LSAMP: variants seen among roughly 807,000 people sequenced by gnomAD.
LSAMP encodes limbic system associated membrane protein, also known as limbic system-associated membrane protein.
Under a neutral mutation model 38.6 loss-of-function variants are expected in LSAMP, and 7 were observed. The ratio of observed to expected loss-of-function variants is 0.18; its 90% CI spans 0.10 to 0.34. The LOEUF (loss-of-function observed/expected upper bound fraction) is 0.34, where lower values mean the gene tolerates loss of function less well. Among genes scored for constraint, LSAMP ranks in the 10% least tolerant of loss-of-function variants. The probability of loss-of-function intolerance (pLI) is 1.00; values close to 1 mark genes in which losing one functional copy is unlikely to be tolerated. For synonymous variants in LSAMP, 154 were observed against 166.8 expected, an observed-to-expected ratio of 0.92 and a Z score of 0.59; for missense variants, 313 against 420.0, an observed-to-expected ratio of 0.75 and a Z score of 2.23.
intron 1 of LSAMP, among the ~76,000 whole-genome samples, chr3:116,284,719 A>C (rs2047171645): frequency 6.6e-6 from 1 of 152,182 alleles, no homozygotes; most frequent in Non-Finnish European, 1.5e-5. Flanking sequence ...CCAGGAAATC[A>C]CTTCTATCTC....
chr3:116,232,417 C>T (rs994753463), intron 1 of LSAMP, among the ~76,000 whole-genome samples: 3 of 152,124 alleles, frequency 2.0e-5, no homozygotes, highest in Admixed American at 6.5e-5. Context: ...TTAGTAAAAC[C>T]ATCTGTATTT....
intron 3 of LSAMP, among the ~76,000 whole-genome samples, chr3:115,864,250 C>G (rs1452795922): frequency 6.9e-6 from 1 of 144,318 alleles, no homozygotes; most frequent in East Asian, 2.0e-4. Context: ...ATTCTCCACT[C>G]CATGGCACGT....
chr3:116,045,297 T>A (rs1941266050), intron 2 of LSAMP, among the ~76,000 whole-genome samples: 1 of 152,218 alleles, frequency 6.6e-6, no homozygotes, highest in African/African-American at 2.4e-5. Context: ...ATTTTTATTA[T>A]GAGCATTGGT....
At chr3:115,881,719 A>G (rs1299331151) in intron 3 of LSAMP, among the ~76,000 whole-genome samples, 2 of 152,142 alleles carry the variant, frequency 1.3e-5, no homozygotes, top group African/African-American at 4.8e-5. Flanking sequence ...ATAAAGACAA[A>G]TTGGAAAATA....
At chr3:115,882,286 C>T (rs1052689280) in intron 3 of LSAMP, among the ~76,000 whole-genome samples, 1 of 152,062 alleles carries the variant, frequency 6.6e-6, no homozygotes, top group Non-Finnish European at 1.5e-5. Context: ...CCACCTTGTA[C>T]CAGGTGCTGG....
intron 2 of LSAMP, among the ~76,000 whole-genome samples, chr3:116,074,977 C>T (rs1010430234): frequency 6.6e-6 from 1 of 150,568 alleles, no homozygotes; most frequent in East Asian, 2.0e-4. Flanking sequence ...GCTGGAATTA[C>T]AGACATGTGC....
chr3:115,830,252 A>C (rs1327940116), intron 6 of LSAMP, among the ~76,000 whole-genome samples: 1 of 152,248 alleles, frequency 6.6e-6, no homozygotes, highest in East Asian at 1.9e-4. Flanking sequence ...TTGGGCATAC[A>C]TCTCACTGTG....
intron 3 of LSAMP, among the ~76,000 whole-genome samples, chr3:116,013,326 T>C (rs948181653): frequency 6.6e-6 from 1 of 152,246 alleles, no homozygotes; most frequent in African/African-American, 2.4e-5. Flanking sequence ...TGGAGGCCAG[T>C]AATCATGTGG....
In LSAMP at chr3:116,445,427, C is replaced by G; in HGVS notation, c.-396G>C. The stretch of plus-strand genomic sequence containing the variant: ...TAACCCACTTTCCCAGGCTGGCGGG[C>G]GGGCGGGCGAGGGAGCCGGCACCAA... On this transcript the variant is annotated 5_prime_UTR_variant, in exon 1 of 7. Transcript: ENST00000490035. The G allele has an allele frequency of 4.8e-4, 102 of 213,424 alleles. No individual in the cohort carries two copies. Among genetic ancestry groups the G allele is most frequent in the East Asian group, 1.1e-3 (9 of 8,350 alleles). 13.2% of individuals were successfully genotyped at this position (213,424 alleles called of 1,614,324 possible).
intron 3 of LSAMP, among the ~76,000 whole-genome samples, chr3:115,908,041 A>G (rs1937052229): frequency 6.6e-6 from 1 of 152,062 alleles, no homozygotes; most frequent in Admixed American, 6.6e-5. Flanking sequence ...ATTTGAGCCC[A>G]ATGTATGAAA....
chr3:116,084,480 A>C (rs1707945015), intron 2 of LSAMP, among the ~76,000 whole-genome samples: 1 of 151,678 alleles, frequency 6.6e-6, no homozygotes, highest in East Asian at 1.9e-4. Context: ...AACCAAAAAA[A>C]ACCAAAAAAC....
rs149200750 is a variant in LSAMP at position 116,106,335 on chromosome 3, T to C, written c.156-19779A>G. ...TAGTTGAGAATGGTGAATAGGAGTA[T>C]GACTAGACAGAAGATAGTAGGGATG... On this transcript the variant is annotated intron_variant, in intron 1 of 6. Coordinates refer to ENST00000490035, the MANE Select transcript of LSAMP (RefSeq NM_002338.5). Among the ~76,000 whole-genome samples, 1,171 of 152,170 alleles carry C rather than the reference T, an allele frequency of 7.7e-3. 18 individuals are homozygous for C. Among genetic ancestry groups the C allele is most frequent in the African/African-American group, 0.025 (1,035 of 41,510 alleles).
intron 3 of LSAMP, among the ~76,000 whole-genome samples, chr3:115,856,057 G>A (rs572756832): frequency 6.6e-6 from 1 of 152,254 alleles, no homozygotes; most frequent in East Asian, 1.9e-4. Context: ...TTCTGTTGTT[G>A]GAAAGCCAAA....
chr3:116,012,135 C>T (rs1940346895), intron 3 of LSAMP, among the ~76,000 whole-genome samples: 1 of 152,122 alleles, frequency 6.6e-6, no homozygotes, highest in South Asian at 2.1e-4. Context: ...TGGTTAACTC[C>T]CAAATAAATC....
At chr3:115,835,733 A>G (rs1934760683) in intron 6 of LSAMP, among the ~76,000 whole-genome samples, 1 of 152,222 alleles carries the variant, frequency 6.6e-6, no homozygotes, top group Non-Finnish European at 1.5e-5. Context: ...CTGGACACTG[A>G]GAAAACTCAG....
chr3:116,181,257 A>G (rs529741246), intron 1 of LSAMP, among the ~76,000 whole-genome samples: 1 of 152,158 alleles, frequency 6.6e-6, no homozygotes, highest in Admixed American at 6.6e-5. Context: ...CAACACTGCC[A>G]AACAATTCAA....
chr3:116,385,791 C>G (rs2048618593), intron 1 of LSAMP, among the ~76,000 whole-genome samples: 1 of 152,058 alleles, frequency 6.6e-6, no homozygotes, highest in Non-Finnish European at 1.5e-5. Context: ...GCTTTGAGTA[C>G]TGTTTGGGGT....
chr3:116,323,447 C>G (rs2107732651), intron 1 of LSAMP, among the ~76,000 whole-genome samples: 1 of 152,228 alleles, frequency 6.6e-6, no homozygotes, highest in South Asian at 2.1e-4. Context: ...AACATCCATT[C>G]AAAGTCCAGA....
At chr3:115,833,551 T>G (rs745355856) in intron 6 of LSAMP, among the ~76,000 whole-genome samples, 4 of 152,088 alleles carry the variant, frequency 2.6e-5, no homozygotes, top group Non-Finnish European at 5.9e-5. Context: ...TGCAAAACAT[T>G]GCATTATTGA....
Sources: allele counts gnomAD v4.1 joint callset (sites outside exome capture counted in the v4.1 genomes callset), GRCh38; gene constraint gnomAD v4.1.1; transcripts MANE v1.5; gene names NCBI Gene and HGNC (gene_info 2026-07-23, HGNC 2026-07-21).